Variants in ANKRD30B observed in about 807,000 individuals in gnomAD.
The protein encoded by ANKRD30B is ankyrin repeat domain 30B.
Under a neutral mutation model 202.2 loss-of-function variants are expected in ANKRD30B, and 144 were observed. That is an observed-to-expected ratio of 0.71 (90% confidence interval 0.62 to 0.82). The LOEUF (loss-of-function observed/expected upper bound fraction) is 0.82, where lower values mean the gene tolerates loss of function less well. Among genes scored for constraint, ANKRD30B ranks in the 40% least tolerant of loss-of-function variants. The pLI, the probability that ANKRD30B is intolerant of heterozygous loss-of-function variation, is 0.00. For synonymous variants in ANKRD30B, 508 were observed against 561.3 expected (o/e 0.91, Z 1.34); for missense variants, 1,487 against 1,669.1 (o/e 0.89, Z 1.90).
intron 4 of ANKRD30B, among the ~76,000 whole-genome samples, chr18:14,755,799 A>G (rs1398367717): frequency 6.6e-6 from 1 of 152,074 alleles, no homozygotes; most frequent in Admixed American, 6.5e-5. Context: ...AATCCAGTCT[A>G]TCATTGTTGG....
At chr18:14,768,847 C>T (rs989514129) in intron 7 of ANKRD30B, among the ~76,000 whole-genome samples, 4 of 152,074 alleles carry the variant, frequency 2.6e-5, no homozygotes, top group East Asian at 1.9e-4. Context: ...ATTTTCTGTC[C>T]GTCTTACAGG....
intron 8 of ANKRD30B, among the ~76,000 whole-genome samples, chr18:14,770,824 A>T (rs1332829026): frequency 2.0e-5 from 3 of 152,032 alleles, no homozygotes; most frequent in Non-Finnish European, 4.4e-5. Flanking sequence ...AGATAAAAAA[A>T]AAAAGAGCCA....
At chr18:14,881,644 G>A in the ANKRD30B span, among the ~76,000 whole-genome samples, 1 of 152,010 alleles carries the variant, frequency 6.6e-6, no homozygotes, top group Non-Finnish European at 1.5e-5. Context: ...GTGGAATAGT[G>A]TGAAAGGATT....
chr18:14,873,103 A>T, the ANKRD30B span, among the ~76,000 whole-genome samples: 1 of 152,220 alleles, frequency 6.6e-6, no homozygotes, highest in Non-Finnish European at 1.5e-5. Context: ...GGGACAGTGG[A>T]ACGTAGGAAG....
At position 14,852,402 on chromosome 18, in the gene ANKRD30B, A is replaced by G. The variant is rs577262603; in HGVS notation, c.4458A>G (p.Lys1486=). 3.3e-4 allele frequency: 504 copies of G among 1,520,550 alleles called. 3 individuals are homozygous for G. The African/African-American group carries it at 5.8e-3, about 18-fold the overall frequency. 94.2% of individuals were successfully genotyped at this position (1,520,550 alleles called of 1,614,324 possible). The change falls in exon 42 of 44, where the codon AAA becomes AAG. Residue 1486 remains lysine, a synonymous_variant. Transcript: ENST00000690538. ...HLKERIDQYE[K]EKAEREVIVR... ...AAGAACGTATAGATCAATATGAAAA[A>G]GAGAAAGCAGAAAGAGAAGTAAGTA...
At chr18:14,871,568 C>T in the ANKRD30B span, among the ~76,000 whole-genome samples, 1 of 151,540 alleles carries the variant, frequency 6.6e-6, no homozygotes, top group East Asian at 2.0e-4. Flanking sequence ...TCCTCAGGGG[C>T]AGATGCTGAG....
intron 18 of ANKRD30B, 49 bp downstream of exon 18, chr18:14,796,464 A>C: frequency 6.7e-7 from 1 of 1,497,542 alleles, no homozygotes. Context: ...ATATTAAACT[A>C]TTTGAAATGC....
In ANKRD30B at chr18:14,831,363, G is replaced by T. The variant is rs1165356972; in HGVS notation, c.2775-20G>T. 39 of 1,422,894 alleles carry T rather than the reference G, an allele frequency of 2.7e-5. No homozygotes were observed. The East Asian group carries it at 9.5e-4, about 35-fold the overall frequency. 88.1% of individuals were successfully genotyped at this position (1,422,894 alleles called of 1,614,324 possible). A position where few individuals can be genotyped will look rare whatever the true frequency, so the allele number is the denominator to read the frequency against. On this transcript the variant is annotated intron_variant, in intron 33 of 43. Transcript: ENST00000690538. ...TAAATATATGAATTTGCTCATTTTT[G>T]TTTTATCTTTTTTCTCTAGTCTTTT...
rs1430105635 is a variant in ANKRD30B, at chr18:14,796,220, G to C, written c.1826-1G>C. On this transcript the variant is annotated splice_acceptor_variant, in intron 16 of 43. Transcript: ENST00000690538. LOFTEE classifies it high-confidence loss of function. ...AATTATATATGTCCCTTTACGTTTA[G>C]AGTCTCCTGTTAAAGATGGTCTTCT... 1 of 1,596,434 alleles carries C rather than the reference G, an allele frequency of 6.3e-7. No individual in the cohort carries two copies. Among genetic ancestry groups the C allele is most frequent in the South Asian group, 1.1e-5 (1 of 90,636 alleles).
At chr18:14,788,156 T>A (rs1309991038) in intron 15 of ANKRD30B, among the ~76,000 whole-genome samples, 1 of 152,220 alleles carries the variant, frequency 6.6e-6, no homozygotes, top group Non-Finnish European at 1.5e-5. Flanking sequence ...AAATGTTTAA[T>A]GCTGTATGTG....
At chr18:14,871,305 C>T in the ANKRD30B span, among the ~76,000 whole-genome samples, 1 of 140,428 alleles carries the variant, frequency 7.1e-6, no homozygotes, top group Non-Finnish European at 1.5e-5. Flanking sequence ...GGTCACATAC[C>T]AATTCCCACG....
rs897545547 is a variant in ANKRD30B at position 14,790,244 on chromosome 18, C to T, written c.1735-1157C>T. Among the ~76,000 whole-genome samples, 28 of 152,048 alleles carry T rather than the reference C, an allele frequency of 1.8e-4. 1 individual carries two copies. The highest frequency in any genetic ancestry group is 6.0e-4 in the African/African-American group (25 of 41,378). ...GTGATTTTTTACATTGATTTTGTATCCTGAGATTTTGCTGAAGCTGCTTAT... is the reference window on the plus strand; with the variant it reads ...GTGATTTTTTACATTGATTTTGTATTCTGAGATTTTGCTGAAGCTGCTTAT... On this transcript the variant is annotated intron_variant, in intron 15 of 43. Transcript: ENST00000690538.
chr18:14,862,242 C>T, the ANKRD30B span, among the ~76,000 whole-genome samples: 4 of 150,950 alleles, frequency 2.6e-5, no homozygotes, highest in African/African-American at 9.7e-5. Context: ...ACAAACCAAA[C>T]CCAAAGCTAG....
intron 3 of ANKRD30B, among the ~76,000 whole-genome samples, chr18:14,753,789 C>A (rs1913868731): frequency 6.6e-6 from 1 of 151,964 alleles, no homozygotes. Flanking sequence ...ATGCATATTG[C>A]AGAAAATATT....
chr18:14,920,705 G>A, the ANKRD30B span, among the ~76,000 whole-genome samples: 2 of 152,202 alleles, frequency 1.3e-5, no homozygotes, highest in Non-Finnish European at 2.9e-5. Context: ...GTAGTAGGGT[G>A]GGATCCCCTG....
the ANKRD30B span, among the ~76,000 whole-genome samples, chr18:14,890,876 T>C: frequency 6.6e-6 from 1 of 152,056 alleles, no homozygotes; most frequent in Non-Finnish European, 1.5e-5. Flanking sequence ...TGTAATTAAC[T>C]TTTAAATCTT....
the ANKRD30B span, among the ~76,000 whole-genome samples, chr18:14,862,556 T>C: frequency 6.6e-6 from 1 of 152,016 alleles, no homozygotes; most frequent in Non-Finnish European, 1.5e-5. Context: ...CAAGACTGAA[T>C]CAGAAAGAAA....
At chr18:14,860,130 A>G in the ANKRD30B span, among the ~76,000 whole-genome samples, 211 of 147,078 alleles carry the variant, frequency 1.4e-3, no homozygotes, top group Middle Eastern at 3.7e-3. Flanking sequence ...GCGGCTGGGC[A>G]GAGGCGCTCC....
chr18:14,852,188 A>G lies in ANKRD30B; in HGVS notation c.4244A>G (p.Gln1415Arg). ...AATGTGGACAAACACACTGAACAGC[A>G]GGAGTCTCTGGAGCAGAAATTATTT... Reference protein sequence around the residue: ...QDNVDKHTEQQESLEQKLFQL... With the variant: ...QDNVDKHTEQRESLEQKLFQL... The change falls in exon 42 of 44, where the codon CAG (glutamine) becomes CGG (arginine). Residue 1415 changes from glutamine (Q) to arginine (R), a missense_variant. Physicochemically the swap from Gln to Arg is conservative, Grantham distance 43. This residue lies in a region of ANKRD30B where 182 missense variants were observed against 216.0 expected (regional missense o/e 0.84). Transcript: ENST00000690538. The G allele has an allele frequency of 6.3e-7, 1 of 1,594,188 alleles. No individual in the cohort carries two copies. Among genetic ancestry groups the G allele is most frequent in the South Asian group, 1.1e-5 (1 of 87,928 alleles).
Sources: allele counts gnomAD v4.1 joint callset (sites outside exome capture counted in the v4.1 genomes callset), GRCh38; gene constraint gnomAD v4.1.1; regional missense constraint gnomAD v4.1.1; transcripts MANE v1.5; gene names NCBI Gene and HGNC (gene_info 2026-07-23, HGNC 2026-07-21).